The following SPRR2G variants were observed in gnomAD, a reference collection of about 807,000 sequenced individuals.
The protein encoded by SPRR2G is small proline-rich protein 2G.
Under a neutral mutation model 0.7 loss-of-function variants are expected in SPRR2G, and 1 was observed. The observed-to-expected ratio is 1.49, with a 90% CI of 0.53 to 7.06. The LOEUF (loss-of-function observed/expected upper bound fraction) is 7.06, where lower values mean the gene tolerates loss of function less well. Ranked by LOEUF, SPRR2G falls within the 30% of genes most tolerant of loss-of-function variation. The pLI, the probability that SPRR2G is intolerant of heterozygous loss-of-function variation, is 0.14. For missense variants in SPRR2G, 96 were observed against 88.5 expected (o/e 1.09, Z -0.34); for synonymous variants, 38 against 33.9 (o/e 1.12, Z -0.42).
the SPRR2G span, among the ~76,000 whole-genome samples, chr1:153,195,516 C>CTCAAGTATG: frequency 1.9e-4 from 29 of 152,184 alleles, no homozygotes; most frequent in African/African-American, 6.5e-4. Flanking sequence ...AAGAAGGCAT[C>CTCAAGTATG]TCAAGTATGG....
At chr1:153,191,726 A>G in the SPRR2G span, 1 of 152,168 alleles carries the variant, frequency 6.6e-6, no homozygotes, top group South Asian at 2.1e-4. Flanking sequence ...CCACACTTTG[A>G]CAACCACTGG....
chr1:153,150,220 G>A, intron 1 of SPRR2G, 89 bp from the exon 2 acceptor site: 2 of 1,543,686 alleles, frequency 1.3e-6, no homozygotes, highest in Non-Finnish European at 1.7e-6. Context: ...CAGTATCTAG[G>A]GACCAACTTT....
chr1:153,160,022 A>G, the SPRR2G span, among the ~76,000 whole-genome samples: 1 of 152,224 alleles, frequency 6.6e-6, no homozygotes, highest in African/African-American at 2.4e-5. Context: ...TTTATCTTAT[A>G]TAACTGAAAC....
At chr1:153,156,230 T>C in the SPRR2G span, among the ~76,000 whole-genome samples, 3 of 152,222 alleles carry the variant, frequency 2.0e-5, no homozygotes, top group African/African-American at 7.2e-5. Flanking sequence ...ACTGAATTAC[T>C]CTGTGATTTC....
the SPRR2G span, among the ~76,000 whole-genome samples, chr1:153,179,561 A>G: frequency 2.0e-5 from 3 of 152,106 alleles, no homozygotes; most frequent in African/African-American, 7.2e-5. Flanking sequence ...CATGCCACAA[A>G]CTAAATAAGG....
the SPRR2G span, among the ~76,000 whole-genome samples, chr1:153,186,773 A>C: frequency 1.3e-5 from 2 of 152,120 alleles, no homozygotes; most frequent in Non-Finnish European, 1.5e-5. Flanking sequence ...CACATTAGTT[A>C]ATACAGATTC....
At chr1:153,186,119 G>A in the SPRR2G span, among the ~76,000 whole-genome samples, 1 of 152,166 alleles carries the variant, frequency 6.6e-6, no homozygotes, top group Admixed American at 6.5e-5. Context: ...TTGCTGAGGA[G>A]TGTTTTACTT....
the SPRR2G span, among the ~76,000 whole-genome samples, chr1:153,157,270 T>C: frequency 6.6e-6 from 1 of 152,214 alleles, no homozygotes; most frequent in Non-Finnish European, 1.5e-5. Context: ...GATGATCATC[T>C]TGTGGCTATT....
At chr1:153,158,438 T>C in the SPRR2G span, among the ~76,000 whole-genome samples, 1 of 152,254 alleles carries the variant, frequency 6.6e-6, no homozygotes, top group Non-Finnish European at 1.5e-5. Context: ...ATCCAAGGCA[T>C]GCTGATGCAA....
chr1:153,174,185 C>T, the SPRR2G span, among the ~76,000 whole-genome samples: 1 of 152,170 alleles, frequency 6.6e-6, no homozygotes, highest in Non-Finnish European at 1.5e-5. Context: ...ACTCCAATTT[C>T]ATGATGTTGC....
chr1:153,187,365 T>C, the SPRR2G span, among the ~76,000 whole-genome samples: 1 of 152,176 alleles, frequency 6.6e-6, no homozygotes, highest in African/African-American at 2.4e-5. Context: ...TCTTTTCACA[T>C]AGTCCCATAT....
chr1:153,167,643 C>T, the SPRR2G span, among the ~76,000 whole-genome samples: 1 of 152,108 alleles, frequency 6.6e-6, no homozygotes, highest in Non-Finnish European at 1.5e-5. Flanking sequence ...TATTACTCTG[C>T]TAGATGCTGA....
chr1:153,196,479 T>G, the SPRR2G span, among the ~76,000 whole-genome samples: 1 of 152,236 alleles, frequency 6.6e-6, no homozygotes, highest in Non-Finnish European at 1.5e-5. Context: ...TTAGGTTATT[T>G]TCACATCTTA....
At chr1:153,181,293 A>G in the SPRR2G span, among the ~76,000 whole-genome samples, 2 of 152,114 alleles carry the variant, frequency 1.3e-5, no homozygotes, top group Admixed American at 6.6e-5. Flanking sequence ...GGTACATAAT[A>G]TACATATTTA....
At chr1:153,197,745 G>A in the SPRR2G span, among the ~76,000 whole-genome samples, 1 of 152,128 alleles carries the variant, frequency 6.6e-6, no homozygotes, top group Non-Finnish European at 1.5e-5. Context: ...GTCCAGAGCA[G>A]TCCACATGGA....
the SPRR2G span, among the ~76,000 whole-genome samples, chr1:153,183,234 T>C: frequency 2.4e-3 from 325 of 136,744 alleles, 3 homozygotes; most frequent in African/African-American, 7.9e-3. Context: ...ATTACAGGCA[T>C]GCGCCACCAC....
chr1:153,177,868 C>CA, the SPRR2G span, among the ~76,000 whole-genome samples: 2,366 of 142,152 alleles, frequency 0.017, 58 homozygotes, highest in African/African-American at 0.056. Context: ...TTAAGTCCTC[C>CA]AAAAAAAAAA....
chr1:153,201,829 T>C, the SPRR2G span, among the ~76,000 whole-genome samples: 1 of 152,144 alleles, frequency 6.6e-6, no homozygotes, highest in Admixed American at 6.5e-5. Context: ...AGGCCTCAGG[T>C]CTCCCCAGTG....
chr1:153,167,857 G>T, the SPRR2G span, among the ~76,000 whole-genome samples: 2 of 152,096 alleles, frequency 1.3e-5, no homozygotes, highest in Non-Finnish European at 2.9e-5. Context: ...TTTTTAAGAA[G>T]ATTCAACAAA....
Sources: gnomAD v4.1 joint callset for allele counts (sites outside exome capture counted in the v4.1 genomes callset) on GRCh38, gnomAD v4.1.1 for gene constraint, MANE v1.5 for transcripts, NCBI Gene and HGNC (gene_info 2026-07-23, HGNC 2026-07-21) for gene names.